Variants in AK9 observed in about 807,000 individuals in gnomAD.
The protein encoded by AK9 is adenylate kinase 9, also known as adenylate kinase domain containing 1.
A neutral mutation model predicts 239.6 loss-of-function variants in AK9; 191 were observed. The observed-to-expected ratio is 0.80, with a 90% CI of 0.71 to 0.90. AK9 has a LOEUF of 0.90. Among genes scored for constraint, AK9 ranks in the 40% least tolerant of loss-of-function variants. The pLI, the probability that AK9 is intolerant of heterozygous loss-of-function variation, is 0.00. For missense variants in AK9, 1,995 were observed against 2,214.7 expected (o/e 0.90, Z 1.99); for synonymous variants, 689 against 721.0 (o/e 0.96, Z 0.71).
At chr6:109,683,855 A>G (rs1264115166) in intron 1 of AK9, among the ~76,000 whole-genome samples, 2 of 152,218 alleles carry the variant, frequency 1.3e-5, no homozygotes, top group African/African-American at 4.8e-5. Context: ...TGCTATCCCC[A>G]TCAAGCTACC....
At chr6:109,573,660 T>C in intron 20 of AK9, 66 bp from the exon 21 acceptor site, 1 of 1,445,152 alleles carries the variant, frequency 6.9e-7, no homozygotes, top group Non-Finnish European at 9.3e-7. Context: ...TGGGTGTTGA[T>C]AAGTGCTGAA....
intron 2 of AK9, 70 bp from the exon 3 acceptor site, chr6:109,674,331 T>G: frequency 8.9e-7 from 1 of 1,121,212 alleles, no homozygotes. Context: ...TACAGCAATT[T>G]TTAAAGATTC....
At chr6:109,553,895 G>A (rs771488754) in intron 24 of AK9, among the ~76,000 whole-genome samples, 1 of 152,138 alleles carries the variant, frequency 6.6e-6, no homozygotes, top group Non-Finnish European at 1.5e-5. Context: ...AGTTTATTGA[G>A]AGTTTTTAAC....
rs1015023148 is a variant in AK9, at chr6:109,610,349, C to T, written c.1842+16G>A. 1.4e-5 allele frequency: 21 copies of T among 1,550,382 alleles called. No individual in the cohort carries two copies. The highest frequency in any genetic ancestry group is 2.0e-5 in the Admixed American group (1 of 50,920). On this transcript the variant is annotated intron_variant, in intron 17 of 40. Transcript: ENST00000424296. ...AGTTAAGTCACTGATAAGAATTGCC[C>T]AGCTAGATTTTTTACCTCTCCAAGG... is the stretch of plus-strand genomic sequence containing the variant.
At chr6:109,682,811 C>T (rs542092118) in intron 1 of AK9, among the ~76,000 whole-genome samples, 29 of 152,232 alleles carry the variant, frequency 1.9e-4, no homozygotes, top group South Asian at 1.0e-3. Context: ...CCGAATTCTA[C>T]CAGAGGTACA....
At chr6:109,678,663 G>T (rs146454973) in intron 1 of AK9, among the ~76,000 whole-genome samples, 339 of 152,252 alleles carry the variant, frequency 2.2e-3, no homozygotes, top group Non-Finnish European at 3.9e-3. Flanking sequence ...GCGGGAGGCT[G>T]GCAAGATAGC....
chr6:109,603,919 A>G (rs1209940039), intron 17 of AK9, among the ~76,000 whole-genome samples: 1 of 152,174 alleles, frequency 6.6e-6, no homozygotes, highest in Non-Finnish European at 1.5e-5. Context: ...AGACCATTGG[A>G]AAAGCGCAGT....
intron 10 of AK9, among the ~76,000 whole-genome samples, chr6:109,635,066 T>A (rs1229806284): frequency 1.3e-5 from 2 of 151,968 alleles, no homozygotes; most frequent in Non-Finnish European, 2.9e-5. Context: ...AAAACATGAA[T>A]TTATGTTTGC....
In AK9 at chr6:109,516,033, C is replaced by T; in HGVS notation, c.3889G>A (p.Gly1297Arg). Residue 1297 changes from glycine (G) to arginine (R), a missense_variant, in exon 31 of 41, where the codon GGA becomes AGA. This residue lies in a region of AK9 where 1,290 missense variants were observed against 1,392.7 expected (regional missense o/e 0.93). Coordinates refer to ENST00000424296, the MANE Select transcript of AK9 (RefSeq NM_001145128.3). ...TGTACAATGTGATTTCTCCGAGCTCCATTAATGGAAATTATTGGTATCAAA... is the reference window on the plus strand; with the variant it reads ...TGTACAATGTGATTTCTCCGAGCTCTATTAATGGAAATTATTGGTATCAAA... ...RYLIPIISIN[G>R]ARRNHIVQYT... is the part of the protein sequence containing the mutation. 6.4e-7 allele frequency: 1 copy of T among 1,551,060 alleles called. No individual in the cohort carries two copies. The highest frequency in any genetic ancestry group is 8.7e-7 in the Non-Finnish European group (1 of 1,146,552).
intron 2 of AK9, 95 bp downstream of exon 2, chr6:109,675,534 A>G: frequency 1.3e-6 from 1 of 773,216 alleles, no homozygotes; most frequent in Admixed American, 3.8e-5. Flanking sequence ...TCAAAAAATG[A>G]GCACAATATG....
intron 21 of AK9, among the ~76,000 whole-genome samples, chr6:109,567,650 G>A (rs527430689): frequency 2.1e-5 from 3 of 145,704 alleles, no homozygotes; most frequent in South Asian, 2.2e-4. Context: ...ACCAAACACC[G>A]CATGTTTTCA....
chr6:109,573,248 CT>C (rs1476234768), intron 21 of AK9, among the ~76,000 whole-genome samples, 193 bp downstream of exon 21: 3 of 106,484 alleles, frequency 2.8e-5, no homozygotes, highest in African/African-American at 2.7e-5. Context: ...TGTGCCAGTG[CT>C]GGGGCAGAGC....
At chr6:109,687,101 C>G (rs1773619367) in intron 1 of AK9, among the ~76,000 whole-genome samples, 1 of 152,132 alleles carries the variant, frequency 6.6e-6, no homozygotes, top group Non-Finnish European at 1.5e-5. Context: ...GTAATGCTTC[C>G]AGACATGAGT....
intron 24 of AK9, among the ~76,000 whole-genome samples, chr6:109,555,249 C>A (rs1028037583): frequency 1.3e-5 from 2 of 152,136 alleles, no homozygotes; most frequent in Admixed American, 6.5e-5. Flanking sequence ...TTCTTGATTT[C>A]TGCCTTATTT....
chr6:109,622,462 ATAT>A (rs1425914739), intron 12 of AK9, among the ~76,000 whole-genome samples: 3 of 142,724 alleles, frequency 2.1e-5, no homozygotes, highest in African/African-American at 5.0e-5. Flanking sequence ...GTATAATATA[ATAT>A]TAATATAATA....
At chr6:109,576,044 T>C (rs1583076015) in intron 20 of AK9, among the ~76,000 whole-genome samples, 1 of 152,344 alleles carries the variant, frequency 6.6e-6, no homozygotes, top group Middle Eastern at 3.4e-3. Flanking sequence ...CCAATTTTTA[T>C]AGCAGTACCA....
intron 28 of AK9, among the ~76,000 whole-genome samples, chr6:109,529,863 G>A (rs1296774835): frequency 6.6e-6 from 1 of 152,166 alleles, no homozygotes; most frequent in Admixed American, 6.6e-5. Flanking sequence ...TGTAAATACA[G>A]ATGAAGCTTC....
chr6:109,540,226 C>T (rs1038289381), intron 27 of AK9, among the ~76,000 whole-genome samples: 2 of 152,212 alleles, frequency 1.3e-5, no homozygotes, highest in African/African-American at 4.8e-5. Context: ...GCAGTCAGGC[C>T]TCCTTGAGCT....
intron 27 of AK9, among the ~76,000 whole-genome samples, chr6:109,533,673 A>T (rs1437917964): frequency 6.6e-6 from 1 of 152,196 alleles, no homozygotes; most frequent in Non-Finnish European, 1.5e-5. Context: ...AACTATCTGT[A>T]TGTAATGAAT....
Sources: gnomAD v4.1 joint callset for allele counts (sites outside exome capture counted in the v4.1 genomes callset) on GRCh38, gnomAD v4.1.1 for gene constraint, gnomAD v4.1.1 regional missense constraint, MANE v1.5 for transcripts, NCBI Gene and HGNC (gene_info 2026-07-23, HGNC 2026-07-21) for gene names.